The following GRIA3 variants were observed in gnomAD, a reference collection of about 807,000 sequenced individuals.
The protein encoded by GRIA3 is glutamate receptor 3.
In GRIA3, 3 loss-of-function variants were observed where a neutral mutation model predicts 63.0. That is an observed-to-expected ratio of 0.05 (90% CI 0.02 to 0.12). The LOEUF (loss-of-function observed/expected upper bound fraction) is 0.12. Ranked by LOEUF, GRIA3 falls within the 10% of genes least tolerant of loss-of-function variation. The pLI is 1.00. For missense variants in GRIA3, 347 were observed against 700.9 expected (o/e 0.50, Z 5.70); for synonymous variants, 274 against 257.9 (o/e 1.06, Z -0.60).
chrX:123,198,985 T>A (rs1927649586), intron 2 of GRIA3, among the ~76,000 whole-genome samples: 1 of 111,805 alleles, frequency 8.9e-6, no homozygotes, highest in African/African-American at 3.3e-5. Context: ...CTCCCAGCCA[T>A]GAGTTTTCTG....
chrX:123,239,544 A>G lies in GRIA3; in HGVS notation c.269-13759A>G, dbSNP rs913942937. 3.8e-5 allele frequency among the ~76,000 whole-genome samples: 4 copies of G among 106,451 alleles called. 1 individual carries two copies. The highest frequency in any genetic ancestry group is 8.1e-5 in the Non-Finnish European group (4 of 49,356). 92.4% of individuals were successfully genotyped at this position (106,451 alleles called of 115,157 possible). A position where few individuals can be genotyped will look rare whatever the true frequency, so the allele number is the denominator to read the frequency against. On this transcript the variant is annotated intron_variant, in intron 2 of 15. Transcript: ENST00000620443. The stretch of plus-strand genomic sequence containing the variant: ...CCTCAAACCACACTACAATGCCACT[A>G]TCTACTCTGCCTACAAATAGGAAGT...
chrX:123,210,568 A>G (rs1219437074), intron 2 of GRIA3, among the ~76,000 whole-genome samples: 1 of 111,565 alleles, frequency 9.0e-6, no homozygotes, highest in Non-Finnish European at 1.9e-5. Flanking sequence ...CCTCAGTAAA[A>G]TAAAGGGTTT....
intron 3 of GRIA3, among the ~76,000 whole-genome samples, chrX:123,265,207 G>A (rs1380397012): frequency 1.8e-5 from 2 of 111,360 alleles, no homozygotes; most frequent in African/African-American, 6.5e-5. Context: ...AAATTCTGTG[G>A]GCTATTACAA....
At chrX:123,484,807 A>G (rs964402318) in intron 15 of GRIA3, among the ~76,000 whole-genome samples, 3 of 112,754 alleles carry the variant, frequency 2.7e-5, no homozygotes, top group Admixed American at 9.3e-5. Flanking sequence ...GCCTTCTTAT[A>G]GTTCACACTG....
intron 6 of GRIA3, among the ~76,000 whole-genome samples, chrX:123,395,919 G>A (rs2045410472): frequency 9.0e-6 from 1 of 110,635 alleles, no homozygotes; most frequent in Non-Finnish European, 1.9e-5. Context: ...ATGTACCATA[G>A]CTGTGGTACG....
At chrX:123,199,706 G>A (rs766632099) in intron 2 of GRIA3, among the ~76,000 whole-genome samples, 2 of 111,734 alleles carry the variant, frequency 1.8e-5, no homozygotes, top group Non-Finnish European at 3.8e-5. Context: ...TAAGTAGGTG[G>A]CAGAGAGGAA....
At chrX:123,329,386 C>T (rs2044926113) in intron 4 of GRIA3, among the ~76,000 whole-genome samples, 1 of 112,013 alleles carries the variant, frequency 8.9e-6, no homozygotes, top group Admixed American at 9.5e-5. Context: ...CTCCTCATGT[C>T]ATGATATAAG....
chrX:123,362,785 G>A lies in GRIA3; in HGVS notation c.750+7822G>A, dbSNP rs185422960. ...TCCCCATTAATAGAACTTATGCCAC[G>A]TTGTAATTATTTATTTATTCATACA... is the stretch of plus-strand genomic sequence containing the variant. On this transcript the variant is annotated intron_variant, in intron 5 of 15. Transcript: ENST00000620443. 2.3e-4 allele frequency among the ~76,000 whole-genome samples: 26 copies of A among 111,003 alleles called. No individual in the cohort carries two copies. The East Asian group carries it at 5.6e-3, about 24-fold the overall frequency.
intron 3 of GRIA3, among the ~76,000 whole-genome samples, chrX:123,282,360 A>C (rs1349295330): frequency 1.8e-5 from 2 of 112,592 alleles, no homozygotes; most frequent in Admixed American, 9.4e-5. Context: ...CTGCAGTCAC[A>C]GAAATAAATC....
chrX:123,339,153 T>C (rs2044993559), intron 4 of GRIA3, among the ~76,000 whole-genome samples: 1 of 112,051 alleles, frequency 8.9e-6, no homozygotes, highest in African/African-American at 3.2e-5. Flanking sequence ...AAGAGAACCA[T>C]CTCAGACTAG....
At chrX:123,317,577 A>G (rs758971607) in intron 3 of GRIA3, among the ~76,000 whole-genome samples, 2 of 112,082 alleles carry the variant, frequency 1.8e-5, no homozygotes, top group South Asian at 7.5e-4. Context: ...AAAATCCAAC[A>G]GGGTAGTCAA....
intron 3 of GRIA3, among the ~76,000 whole-genome samples, chrX:123,312,486 C>T (rs1429806709): frequency 8.9e-6 from 1 of 112,236 alleles, no homozygotes; most frequent in Non-Finnish European, 1.9e-5. Context: ...CTGGAGAAGG[C>T]TGTGCCTTGC....
At chrX:123,213,901 A>C (rs1218284625) in intron 2 of GRIA3, among the ~76,000 whole-genome samples, 1 of 111,970 alleles carries the variant, frequency 8.9e-6, no homozygotes, top group Non-Finnish European at 1.9e-5. Flanking sequence ...ATCCCATTAG[A>C]TCTCCCTCTG....
chrX:123,322,286 C>T (rs2044873228), intron 3 of GRIA3, among the ~76,000 whole-genome samples: 1 of 112,238 alleles, frequency 8.9e-6, no homozygotes, highest in African/African-American at 3.2e-5. Context: ...CATTCACCCA[C>T]TTACCTATAT....
At chrX:123,467,654 G>A (rs2045841718) in intron 13 of GRIA3, among the ~76,000 whole-genome samples, 1 of 112,064 alleles carries the variant, frequency 8.9e-6, no homozygotes, top group East Asian at 2.8e-4. Context: ...ACTCATCATG[G>A]TTAAAAAGGA....
At chrX:123,345,232 A>G (rs986450599) in intron 4 of GRIA3, among the ~76,000 whole-genome samples, 1 of 111,311 alleles carries the variant, frequency 9.0e-6, no homozygotes, top group Non-Finnish European at 1.9e-5. Flanking sequence ...CTACTGTCAG[A>G]GTAGGGCAGC....
Position 123,322,829 on chromosome X carries a change from G to A in GRIA3, c.509-3197G>A, listed in dbSNP as rs185482971. Among the ~76,000 whole-genome samples, 43 of 112,051 alleles carry A rather than the reference G, an allele frequency of 3.8e-4. No individual in the cohort carries two copies. The East Asian group carries it at 6.2e-3, about 16-fold the overall frequency. On this transcript the variant is annotated intron_variant, in intron 3 of 15. Transcript: ENST00000620443. ...TGACTTGCTCAAAAAATGTGAGCAAGGCTTATAGCCCAGGAAGCTTCAGAC... is the reference window on the plus strand; with the variant it reads ...TGACTTGCTCAAAAAATGTGAGCAAAGCTTATAGCCCAGGAAGCTTCAGAC...
At chrX:123,338,639 C>A (rs1166295525) in intron 4 of GRIA3, among the ~76,000 whole-genome samples, 1 of 112,011 alleles carries the variant, frequency 8.9e-6, no homozygotes, top group Non-Finnish European at 1.9e-5. Flanking sequence ...GAACCTTCGC[C>A]TCCCGGGTTC....
chrX:123,222,895 A>G (rs1409734616), intron 2 of GRIA3, among the ~76,000 whole-genome samples: 1 of 112,341 alleles, frequency 8.9e-6, no homozygotes, highest in African/African-American at 3.2e-5. Flanking sequence ...AAGTTGCTCA[A>G]CAGCCTAACA....
Sources: gnomAD v4.1 joint callset for allele counts (sites outside exome capture counted in the v4.1 genomes callset) on GRCh38, gnomAD v4.1.1 for gene constraint, MANE v1.5 for transcripts, NCBI Gene and HGNC (gene_info 2026-07-23, HGNC 2026-07-21) for gene names.